Variants in INSR observed in about 807,000 individuals in gnomAD.
The protein encoded by INSR is insulin receptor.
Under a neutral mutation model 142.6 loss-of-function variants are expected in INSR, and 67 were observed. The ratio of observed to expected loss-of-function variants is 0.47; its 90% CI spans 0.39 to 0.58. INSR has a LOEUF of 0.58. Ranked by LOEUF, INSR falls within the 20% of genes least tolerant of loss-of-function variation. The pLI is 0.00. For synonymous variants in INSR, 756 were observed against 743.1 expected, an observed-to-expected ratio of 1.02 and a Z score of -0.28; for missense variants, 1,248 against 1,833.2, an observed-to-expected ratio of 0.68 and a Z score of 5.83.
intron 10 of INSR, 68 bp downstream of exon 10, chr19:7,152,658 A>T: frequency 7.6e-7 from 1 of 1,317,474 alleles, no homozygotes; most frequent in Non-Finnish European, 1.1e-6. Context: ...TCGGTCCCTA[A>T]GTAATGACCT....
At chr19:7,153,217 ACACACG>A in intron 9 of INSR, among the ~76,000 whole-genome samples, 4 of 35,646 alleles carry the variant, frequency 1.1e-4, no homozygotes, top group East Asian at 4.6e-4. Context: ...CACACACCAC[ACACACG>A]CACCACACAC....
chr19:7,163,948 A>AAAAAAAAAT (rs1411048837), intron 8 of INSR, among the ~76,000 whole-genome samples: 28 of 136,078 alleles, frequency 2.1e-4, no homozygotes, highest in African/African-American at 2.8e-4. Flanking sequence ...AAAAAAAAAA[A>AAAAAAAAAT]ATTAGCTGGA....
At position 7,120,605 on chromosome 19, in the gene INSR, C is replaced by A. The variant is rs1367234262; in HGVS notation, c.3659+15G>T. The stretch of plus-strand genomic sequence containing the variant: ...TCAAGCCCAGCGTCCATCCACCCAT[C>A]CACACACAACTCACCACATGTCAGA... On this transcript the variant is annotated intron_variant, in intron 20 of 21. Coordinates refer to ENST00000302850, the MANE Select transcript of INSR (RefSeq NM_000208.4). 6.2e-7 allele frequency: 1 copy of A among 1,613,962 alleles called. No individual in the cohort carries two copies. The highest frequency in any genetic ancestry group is 8.5e-7 in the Non-Finnish European group (1 of 1,179,876).
intron 2 of INSR, among the ~76,000 whole-genome samples, chr19:7,226,042 T>G (rs1036251522): frequency 3.3e-5 from 5 of 152,204 alleles, no homozygotes. Flanking sequence ...GTCTCTGAGT[T>G]TGACACAAGG....
intron 2 of INSR, among the ~76,000 whole-genome samples, chr19:7,184,869 G>A (rs1186545793): frequency 6.6e-6 from 1 of 152,092 alleles, no homozygotes; most frequent in East Asian, 1.9e-4. Flanking sequence ...GCTTGTAAAT[G>A]TTTAACAGCT....
Position 7,114,795 on chromosome 19 carries a change from T to C in INSR, c.*2261A>G, listed in dbSNP as rs1399421795. ...TTTATATATTAAAATAAATACTTTT[T>C]CCCCTAATATAAGAAAAACCTTTCT... On this transcript the variant is annotated 3_prime_UTR_variant, in exon 22 of 22. Coordinates refer to ENST00000302850, the MANE Select transcript of INSR (RefSeq NM_000208.4). 2 of 152,472 alleles carry C rather than the reference T, an allele frequency of 1.3e-5. No homozygotes were observed. The highest frequency in any genetic ancestry group is 2.4e-5 in the African/African-American group (1 of 41,424). The allele number at this position is 152,472 out of a possible 1,614,324, so 9.4% of individuals were successfully genotyped here. A position where few individuals can be genotyped will look rare whatever the true frequency, so the allele number is the denominator to read the frequency against.
At position 7,119,393 on chromosome 19, in the gene INSR, A is replaced by C; in HGVS notation, c.3794+56T>G. 1 of 1,608,204 alleles carries C rather than the reference A, an allele frequency of 6.2e-7. No individual in the cohort carries two copies. The highest frequency in any genetic ancestry group is 1.7e-4 in the Middle Eastern group (1 of 6,050). ...AAGGCAAAACCAAGCACACGTGTAA[A>C]GGGCAATACCCTTTCAACGAACACC... On this transcript the variant is annotated intron_variant, in intron 21 of 21. Coordinates refer to ENST00000302850, the MANE Select transcript of INSR (RefSeq NM_000208.4). The surrounding 1 kb of genome is among the most constrained non-coding windows in gnomAD (Gnocchi z 5.2).
At chr19:7,263,575 C>G (rs1330646873) in intron 2 of INSR, among the ~76,000 whole-genome samples, 1 of 152,090 alleles carries the variant, frequency 6.6e-6, no homozygotes, top group Non-Finnish European at 1.5e-5. Context: ...GTTTTGTGTT[C>G]ATTTTTGTTT....
intron 2 of INSR, among the ~76,000 whole-genome samples, chr19:7,238,970 A>G (rs1483068376): frequency 2.0e-5 from 3 of 151,202 alleles, no homozygotes; most frequent in African/African-American, 7.3e-5. Flanking sequence ...CTCAAAAAAA[A>G]AAAAAAAAAA....
At chr19:7,228,786 A>G (rs558975824) in intron 2 of INSR, among the ~76,000 whole-genome samples, 4 of 152,342 alleles carry the variant, frequency 2.6e-5, no homozygotes, top group African/African-American at 9.6e-5. Flanking sequence ...TCTCCCTTAT[A>G]TTAGATGATA....
chr19:7,270,345 A>T (rs796804918), intron 1 of INSR, among the ~76,000 whole-genome samples: 4,403 of 125,372 alleles, frequency 0.035, 144 homozygotes, highest in East Asian at 0.17. Flanking sequence ...TCTCTCACAC[A>T]CACACACACA....
intron 2 of INSR, among the ~76,000 whole-genome samples, chr19:7,193,362 A>C (rs374870497): frequency 1.3e-5 from 2 of 152,150 alleles, no homozygotes; most frequent in African/African-American, 4.8e-5. Flanking sequence ...AAATATAAAA[A>C]TTAGCTGAGC....
At chr19:7,285,985 T>TTGC (rs1476728906) in intron 1 of INSR, among the ~76,000 whole-genome samples, 2 of 152,098 alleles carry the variant, frequency 1.3e-5, no homozygotes, top group African/African-American at 4.8e-5. Flanking sequence ...TTAAAATATT[T>TTGC]TGTTGTTGTT....
chr19:7,265,467 G>A (rs1271851278), intron 2 of INSR, among the ~76,000 whole-genome samples: 5 of 152,222 alleles, frequency 3.3e-5, no homozygotes, highest in South Asian at 2.1e-4. Flanking sequence ...TAGGCTGGGC[G>A]CGGTGGCTCA....
chr19:7,196,028 C>T (rs1974738709), intron 2 of INSR, among the ~76,000 whole-genome samples: 1 of 151,692 alleles, frequency 6.6e-6, no homozygotes, highest in South Asian at 2.1e-4. Context: ...CTCTGCCTCC[C>T]AGGTTCAAGC....
At chr19:7,251,552 T>C (rs1976728866) in intron 2 of INSR, among the ~76,000 whole-genome samples, 1 of 149,964 alleles carries the variant, frequency 6.7e-6, no homozygotes, top group Non-Finnish European at 1.5e-5. Flanking sequence ...TGAGCCACCA[T>C]GCCCGGCCAT....
At chr19:7,191,645 AC>A (rs566191354) in intron 2 of INSR, among the ~76,000 whole-genome samples, 159 of 152,096 alleles carry the variant, frequency 1.0e-3, no homozygotes, top group Non-Finnish European at 2.1e-3. Context: ...AAATAGCCAG[AC>A]CCCTGTCTCT....
At position 7,248,754 on chromosome 19, in the gene INSR, A is replaced by ATTTTTTTTTTTTTTTT. The variant is rs552940485; in HGVS notation, c.652+18575_652+18590dup. 1.2e-3 allele frequency among the ~76,000 whole-genome samples: 117 copies of ATTTTTTTTTTTTTTTT among 97,276 alleles called. 8 individuals carry two copies. The highest frequency in any genetic ancestry group is 4.0e-3 in the African/African-American group (88 of 22,130). The allele number at this position is 97,276 out of a possible 152,430, so 63.8% of individuals were successfully genotyped here. A position where few individuals can be genotyped will look rare whatever the true frequency, so the allele number is the denominator to read the frequency against. On this transcript the variant is annotated intron_variant, in intron 2 of 21. Transcript: ENST00000302850. ...CCTGGACTATTCCCGGTTGGCCAGA[A>ATTTTTTTTTTTTTTTT]TTTTTTTTTTTTTTTTTTTTTGAGA...
At chr19:7,221,202 C>T (rs912817672) in intron 2 of INSR, among the ~76,000 whole-genome samples, 1 of 151,564 alleles carries the variant, frequency 6.6e-6, no homozygotes, top group Non-Finnish European at 1.5e-5. Flanking sequence ...GGCGAGACCC[C>T]GTTTCTACCA....
Sources: allele counts gnomAD v4.1 joint callset (sites outside exome capture counted in the v4.1 genomes callset), GRCh38; gene constraint gnomAD v4.1.1; non-coding constraint Gnocchi (gnomAD v3.1); transcripts MANE v1.5; gene names NCBI Gene and HGNC (gene_info 2026-07-23, HGNC 2026-07-21).